Variants in PXDN observed in about 807,000 individuals in gnomAD.
PXDN encodes peroxidasin.
Under a neutral mutation model 140.3 loss-of-function variants are expected in PXDN, and 77 were observed. The ratio of observed to expected loss-of-function variants is 0.55; its 90% CI spans 0.46 to 0.66. The LOEUF is 0.66. Among genes scored for constraint, PXDN ranks in the 30% least tolerant of loss-of-function variants. The pLI, the probability that PXDN is intolerant of heterozygous loss-of-function variation, is 0.00. For missense variants in PXDN, 1,838 were observed against 2,039.5 expected, an observed-to-expected ratio of 0.90 and a Z score of 1.90; for synonymous variants, 911 against 857.4, an observed-to-expected ratio of 1.06 and a Z score of -1.09.
At chr2:1,738,093 T>C (rs1685460001) in intron 1 of PXDN, among the ~76,000 whole-genome samples, 1 of 151,984 alleles carries the variant, frequency 6.6e-6, no homozygotes, top group Non-Finnish European at 1.5e-5. Flanking sequence ...ATATAAAATG[T>C]CCTGATCGGC....
rs576249582 is a variant in PXDN at position 1,702,093 on chromosome 2, G to A, written c.201-8959C>T. Among the ~76,000 whole-genome samples, 14 of 152,262 alleles carry A rather than the reference G, an allele frequency of 9.2e-5. No homozygotes were observed. The South Asian group carries it at 1.2e-3, about 14-fold the overall frequency. On this transcript the variant is annotated intron_variant, in intron 1 of 22. Coordinates refer to ENST00000252804, the MANE Select transcript of PXDN (RefSeq NM_012293.3). ...AATACCATTAATGAGATCAAATTAC[G>A]TTAGTCAGGACCTGCCTGGCCCTCA...
At chr2:1,672,433 C>T (rs188434370) in intron 9 of PXDN, among the ~76,000 whole-genome samples, 284 of 152,316 alleles carry the variant, frequency 1.9e-3, no homozygotes, top group Middle Eastern at 3.4e-3. Flanking sequence ...AACTTTTTCT[C>T]CCTATTTTGT....
rs779666755 is a variant in PXDN at position 1,648,584 on chromosome 2, C to T, written c.3196G>A (p.Ala1066Thr). The T allele has an allele frequency of 1.9e-6, 3 of 1,613,598 alleles. No individual in the cohort carries two copies. The highest frequency in any genetic ancestry group is 1.3e-5 in the African/African-American group (1 of 74,912). ...GINAGIFNAF[A>T]TAAFRFGHTL... ...TGGCCAAACCTGAAGGCCGCGGTGGCGAAGGCGTTGAAGATGCCAGCATTG... is the reference window on the plus strand; with the variant it reads ...TGGCCAAACCTGAAGGCCGCGGTGGTGAAGGCGTTGAAGATGCCAGCATTG... Residue 1066 changes from alanine to threonine, a missense_variant, in exon 17 of 23, where the codon GCC becomes ACC. Physicochemically the swap from Ala to Thr is moderately conservative, Grantham distance 58 (BLOSUM62 0). This residue lies in a region of PXDN where 850 missense variants were observed against 894.1 expected (regional missense o/e 0.95). Transcript: ENST00000252804. The surrounding 1 kb of genome is among the most constrained non-coding windows in gnomAD (Gnocchi z 8.9).
At chr2:1,720,933 G>T (rs1685035808) in intron 1 of PXDN, among the ~76,000 whole-genome samples, 1 of 152,130 alleles carries the variant, frequency 6.6e-6, no homozygotes. Flanking sequence ...GGGGAAGCAT[G>T]GTAGCTGCAG....
Position 1,687,922 on chromosome 2 carries a change from G to T in PXDN, c.345-219C>A, listed in dbSNP as rs1684098813. ...AAAGCAACCGGTGCCAACTGAAGGT[G>T]ATCAAACCACTGCGACGGGTTTTTC... On this transcript the variant is annotated intron_variant, in intron 3 of 22. Coordinates refer to ENST00000252804, the MANE Select transcript of PXDN (RefSeq NM_012293.3). The surrounding 1 kb of genome is among the most constrained non-coding windows in gnomAD (Gnocchi z 4.0). Among the ~76,000 whole-genome samples the T allele has an allele frequency of 6.6e-6, 1 of 152,192 alleles. No individual in the cohort carries two copies. The highest frequency in any genetic ancestry group is 6.5e-5 in the Admixed American group (1 of 15,278).
At chr2:1,727,182 G>A (rs146861783) in intron 1 of PXDN, among the ~76,000 whole-genome samples, 1 of 152,182 alleles carries the variant, frequency 6.6e-6, no homozygotes, top group Non-Finnish European at 1.5e-5. Flanking sequence ...CAAGCCCTGC[G>A]AGCACACACA....
intron 14 of PXDN, among the ~76,000 whole-genome samples, chr2:1,656,267 T>C (rs1009619679): frequency 2.0e-5 from 3 of 152,232 alleles, no homozygotes; most frequent in Non-Finnish European, 4.4e-5. Context: ...AAGTCCCTAG[T>C]TGATACTTTA....
chr2:1,670,335 G>A (rs1464219653), intron 9 of PXDN, among the ~76,000 whole-genome samples: 1 of 152,146 alleles, frequency 6.6e-6, no homozygotes, highest in East Asian at 1.9e-4. Flanking sequence ...TGTATTAAAA[G>A]TGAAAGACTA....
intron 1 of PXDN, among the ~76,000 whole-genome samples, chr2:1,695,392 T>C (rs1225870152): frequency 7.5e-6 from 1 of 132,850 alleles, no homozygotes; most frequent in Non-Finnish European, 1.6e-5. Flanking sequence ...CCTAGAGTGA[T>C]GGACAGAGAG....
chr2:1,723,367 T>C (rs1415088410), intron 1 of PXDN, among the ~76,000 whole-genome samples: 1 of 151,810 alleles, frequency 6.6e-6, no homozygotes, highest in African/African-American at 2.4e-5. Context: ...AATGGAAAGA[T>C]GGATAAACTA....
rs1478058612 is a variant in PXDN, at chr2:1,634,192, C to G, written c.*12G>C. ...GGCACAGCAGACAAACTCTGAGGAG[C>G]CTCCCAGGAGCCTAGGGCTTTTCCT... On this transcript the variant is annotated 3_prime_UTR_variant, in exon 23 of 23. Transcript: ENST00000252804. 7 of 1,562,328 alleles carry G rather than the reference C, an allele frequency of 4.5e-6. No homozygotes were observed. In the African/African-American group the frequency reaches 9.5e-5, roughly 21 times the overall value.
chr2:1,641,821 T>C (rs142900068), intron 19 of PXDN, among the ~76,000 whole-genome samples: 106 of 152,330 alleles, frequency 7.0e-4, no homozygotes, highest in Non-Finnish European at 1.2e-3. Context: ...TGGCTGTACT[T>C]CTTAATAAGC....
chr2:1,658,539 C>A (rs773991690), intron 14 of PXDN, among the ~76,000 whole-genome samples: 74 of 152,022 alleles, frequency 4.9e-4, no homozygotes, highest in Non-Finnish European at 9.6e-4. Flanking sequence ...CACTCCTTCT[C>A]CCACTTGGCC....
intron 1 of PXDN, 105 bp downstream of exon 1, chr2:1,744,151 A>G (rs2125500687): frequency 2.2e-6 from 2 of 914,398 alleles, no homozygotes; most frequent in Non-Finnish European, 1.4e-6. Flanking sequence ...CGCGCGCCCG[A>G]TGCCCCCTCC....
At chr2:1,663,583 T>C in intron 12 of PXDN, 22 bp downstream of exon 12, 9 of 1,612,906 alleles carry the variant, frequency 5.6e-6, no homozygotes, top group South Asian at 2.2e-5. Flanking sequence ...ATCAATTCAG[T>C]CCACAACCTC....
intron 10 of PXDN, among the ~76,000 whole-genome samples, chr2:1,665,291 C>T (rs1198877945): frequency 6.6e-6 from 1 of 152,172 alleles, no homozygotes; most frequent in Non-Finnish European, 1.5e-5. Context: ...CTGGAAAGCA[C>T]ACAAAGACCG....
At position 1,688,384 on chromosome 2, in the gene PXDN, C is replaced by T. The variant is rs374551744; in HGVS notation, c.345-681G>A. Among the ~76,000 whole-genome samples, 30 of 152,320 alleles carry T rather than the reference C, an allele frequency of 2.0e-4. No homozygotes were observed. The East Asian group carries it at 4.8e-3, about 24-fold the overall frequency. ...TGGGGCTGCGCTGGCGCTGTGTGGC[C>T]GAGCTGAGTGGTCCCAGTAGAGACT... On this transcript the variant is annotated intron_variant, in intron 3 of 22. Coordinates refer to ENST00000252804, the MANE Select transcript of PXDN (RefSeq NM_012293.3).
chr2:1,684,860 C>G (rs1185758611), intron 4 of PXDN, among the ~76,000 whole-genome samples: 3 of 152,174 alleles, frequency 2.0e-5, no homozygotes, highest in African/African-American at 7.2e-5. Context: ...GTTTTTTCCT[C>G]TTAAGTCAAA....
Position 1,706,781 on chromosome 2 carries a change from T to G in PXDN, c.201-13647A>C, listed in dbSNP as rs71440683. On this transcript the variant is annotated intron_variant, in intron 1 of 22. Coordinates refer to ENST00000252804, the MANE Select transcript of PXDN (RefSeq NM_012293.3). ...TAATAATACAATCCGAGAGCACACT[T>G]CAGTGATCACCAATCAGCTCTAAGC... is the stretch of plus-strand genomic sequence containing the variant. Among the ~76,000 whole-genome samples, 3 of 123,356 alleles carry G rather than the reference T, an allele frequency of 2.4e-5. 1 individual carries two copies. The highest frequency in any genetic ancestry group is 2.7e-4 in the South Asian group (1 of 3,650). 80.9% of individuals were successfully genotyped at this position (123,356 alleles called of 152,430 possible). A position where few individuals can be genotyped will look rare whatever the true frequency, so the allele number is the denominator to read the frequency against.
Sources: allele counts gnomAD v4.1 joint callset (sites outside exome capture counted in the v4.1 genomes callset), GRCh38; gene constraint gnomAD v4.1.1; regional missense constraint gnomAD v4.1.1; non-coding constraint Gnocchi (gnomAD v3.1); transcripts MANE v1.5; gene names NCBI Gene and HGNC (gene_info 2026-07-23, HGNC 2026-07-21).